EFCAB6: variants seen among roughly 807,000 people sequenced by gnomAD.
EFCAB6 encodes EF-hand calcium-binding domain-containing protein 6.
EFCAB6 carries 156 observed loss-of-function variants against 169.8 expected under a neutral mutation model. The observed-to-expected ratio is 0.92, with a 90% CI of 0.81 to 1.05. The LOEUF is 1.05. EFCAB6 is among the 50% of genes least tolerant of loss of function. EFCAB6 has a pLI of 0.00. For synonymous variants in EFCAB6, 698 were observed against 676.4 expected (o/e 1.03, Z -0.50); for missense variants, 1,800 against 1,829.1 (o/e 0.98, Z 0.29).
intron 28 of EFCAB6, among the ~76,000 whole-genome samples, chr22:43,539,104 A>C (rs1314881557): frequency 6.6e-6 from 1 of 151,746 alleles, no homozygotes; most frequent in Non-Finnish European, 1.5e-5. Flanking sequence ...CCAGTTAAAG[A>C]CCCATGTGAT....
chr22:43,733,114 G>T (rs1444506927), intron 7 of EFCAB6, among the ~76,000 whole-genome samples: 1 of 152,012 alleles, frequency 6.6e-6, no homozygotes, highest in African/African-American at 2.4e-5. Flanking sequence ...TAAGATAAAT[G>T]ATCTCTAGGT....
chr22:43,682,778 T>G (rs2058054948), intron 12 of EFCAB6, among the ~76,000 whole-genome samples: 2 of 152,202 alleles, frequency 1.3e-5, no homozygotes, highest in African/African-American at 2.4e-5. Context: ...AGACGGTGCC[T>G]GGCACATAGT....
At chr22:43,796,436 A>T (rs1179309481) in intron 2 of EFCAB6, among the ~76,000 whole-genome samples, 1 of 152,204 alleles carries the variant, frequency 6.6e-6, no homozygotes, top group African/African-American at 2.4e-5. Context: ...AAAAAAGCTT[A>T]TACTGTTTTG....
chr22:43,703,175 A>T (rs1173946286), intron 10 of EFCAB6, among the ~76,000 whole-genome samples: 1 of 152,174 alleles, frequency 6.6e-6, no homozygotes, highest in East Asian at 1.9e-4. Flanking sequence ...GCCCAATATA[A>T]GGCAACTGTA....
chr22:43,730,722 C>T (rs891780869), intron 8 of EFCAB6, among the ~76,000 whole-genome samples: 4 of 152,126 alleles, frequency 2.6e-5, no homozygotes, highest in South Asian at 2.1e-4. Context: ...TCTTCCTTGT[C>T]GCACTGGCAC....
intron 17 of EFCAB6, among the ~76,000 whole-genome samples, chr22:43,641,433 T>C (rs200761998): frequency 6.6e-6 from 1 of 152,016 alleles, no homozygotes; most frequent in African/African-American, 2.4e-5. Flanking sequence ...CTGGCCAACA[T>C]GGTGAAACCC....
intron 30 of EFCAB6, among the ~76,000 whole-genome samples, chr22:43,532,724 A>G (rs1442962837): frequency 2.0e-5 from 3 of 152,072 alleles, no homozygotes; most frequent in Non-Finnish European, 2.9e-5. Flanking sequence ...CATGGCATCT[A>G]CTTAACTGTG....
intron 17 of EFCAB6, among the ~76,000 whole-genome samples, chr22:43,648,200 T>C (rs2056283255): frequency 6.6e-6 from 1 of 152,112 alleles, no homozygotes; most frequent in Non-Finnish European, 1.5e-5. Flanking sequence ...ATTATCTCCA[T>C]TTTAGGAAAA....
intron 7 of EFCAB6, among the ~76,000 whole-genome samples, chr22:43,733,190 G>A (rs1449781139): frequency 4.6e-5 from 7 of 152,196 alleles, no homozygotes; most frequent in Non-Finnish European, 5.9e-5. Flanking sequence ...TACGGTCTCT[G>A]TCTTGTGAAA....
intron 17 of EFCAB6, among the ~76,000 whole-genome samples, chr22:43,664,320 A>G (rs907505808): frequency 6.6e-6 from 1 of 152,226 alleles, no homozygotes; most frequent in South Asian, 2.1e-4. Flanking sequence ...CATTCATTCA[A>G]TACATGCTCA....
At chr22:43,689,035 C>A (rs572400736) in intron 10 of EFCAB6, among the ~76,000 whole-genome samples, 1 of 152,184 alleles carries the variant, frequency 6.6e-6, no homozygotes, top group Admixed American at 6.5e-5. Context: ...CCAACCCCAC[C>A]ACAAAAGAGA....
At chr22:43,792,594 C>T (rs1488369975) in intron 2 of EFCAB6, among the ~76,000 whole-genome samples, 4 of 152,142 alleles carry the variant, frequency 2.6e-5, no homozygotes. Flanking sequence ...AAGAAATGTG[C>T]TAATATTTAT....
chr22:43,646,673 C>CT (rs1347020928), intron 17 of EFCAB6, among the ~76,000 whole-genome samples: 3 of 152,114 alleles, frequency 2.0e-5, no homozygotes, highest in Non-Finnish European at 4.4e-5. Context: ...GATTAAGCAT[C>CT]TACATTTAAA....
At chr22:43,670,930 T>C (rs773772727) in intron 15 of EFCAB6, among the ~76,000 whole-genome samples, 4 of 152,224 alleles carry the variant, frequency 2.6e-5, no homozygotes, top group Admixed American at 6.5e-5. Context: ...TGCTTGGCCC[T>C]GAGGTAGTAA....
At chr22:43,778,119 T>C (rs946736841) in intron 3 of EFCAB6, among the ~76,000 whole-genome samples, 5 of 152,160 alleles carry the variant, frequency 3.3e-5, no homozygotes, top group Non-Finnish European at 5.9e-5. Flanking sequence ...AAAAGAATGA[T>C]AACTCCTTCC....
chr22:43,635,354 A>G, intron 17 of EFCAB6, 138 bp from the exon 18 acceptor site: 1 of 667,060 alleles, frequency 1.5e-6, no homozygotes. Flanking sequence ...ACAGGCTGCC[A>G]GGGGGTGGGA....
chr22:43,658,075 A>G (rs1207711951), intron 17 of EFCAB6, among the ~76,000 whole-genome samples: 1 of 151,944 alleles, frequency 6.6e-6, no homozygotes, highest in African/African-American at 2.4e-5. Flanking sequence ...CTAAAAATAC[A>G]AAAATTATCC....
intron 20 of EFCAB6, among the ~76,000 whole-genome samples, chr22:43,622,830 A>G (rs1452575611): frequency 6.6e-6 from 1 of 152,228 alleles, no homozygotes; most frequent in African/African-American, 2.4e-5. Context: ...AAACACCACT[A>G]GGACATCACC....
chr22:43,764,913 C>A (rs1260817991), intron 5 of EFCAB6, among the ~76,000 whole-genome samples: 2 of 59,514 alleles, frequency 3.4e-5, no homozygotes, highest in Non-Finnish European at 6.3e-5. Flanking sequence ...GCCACGAAAA[C>A]ATCATCACTT....
Sources: allele counts gnomAD v4.1 joint callset (sites outside exome capture counted in the v4.1 genomes callset), GRCh38; gene constraint gnomAD v4.1.1; transcripts MANE v1.5; gene names NCBI Gene and HGNC (gene_info 2026-07-23, HGNC 2026-07-21).